Variants in PPA1 observed in about 807,000 individuals in gnomAD.
The protein encoded by PPA1 is inorganic pyrophosphatase 1.
PPA1 carries 23 observed loss-of-function variants against 41.8 expected under a neutral mutation model. That is an observed-to-expected ratio of 0.55 (90% confidence interval 0.40 to 0.78). The LOEUF (loss-of-function observed/expected upper bound fraction) is 0.78. Among genes scored for constraint, PPA1 ranks in the 30% least tolerant of loss-of-function variants. The pLI is 0.00. For missense variants in PPA1, 320 were observed against 361.6 expected (o/e 0.89, Z 0.93); for synonymous variants, 101 against 116.8 (o/e 0.86, Z 0.87).
At chr10:70,209,063 G>T in intron 8 of PPA1, 142 bp downstream of exon 8, 1 of 549,132 alleles carries the variant, frequency 1.8e-6, no homozygotes, top group Non-Finnish European at 3.1e-6. Context: ...CAAAGTGCTG[G>T]AATGACAGGT....
intron 2 of PPA1, among the ~76,000 whole-genome samples, chr10:70,220,716 T>A (rs1248120906): frequency 1.1e-3 from 11 of 9,690 alleles, no homozygotes; most frequent in Non-Finnish European, 1.0e-3. Flanking sequence ...ATATATATAA[T>A]TTATATATAT....
intron 8 of PPA1, 53 bp from the exon 9 acceptor site, chr10:70,206,386 T>C: frequency 7.3e-7 from 1 of 1,363,858 alleles, no homozygotes; most frequent in Middle Eastern, 2.1e-4. Context: ...AATTATCTCT[T>C]AAGAGTTAAA....
intron 6 of PPA1, among the ~76,000 whole-genome samples, chr10:70,210,778 T>TTC (rs1378478229): frequency 6.6e-6 from 1 of 151,822 alleles, no homozygotes; most frequent in Non-Finnish European, 1.5e-5. Flanking sequence ...TTTATTTTTT[T>TTC]TTTTTGAGAA....
rs540546471 is a variant in PPA1 at position 70,216,202 on chromosome 10, T to C, written c.297+1610A>G. Among the ~76,000 whole-genome samples, 235 of 152,196 alleles carry C rather than the reference T, an allele frequency of 1.5e-3. 1 individual carries two copies. Among genetic ancestry groups the C allele is most frequent in the Admixed American group, 2.9e-3 (45 of 15,274 alleles). The stretch of plus-strand genomic sequence containing the variant: ...AGGCTAAATACTATTAATAAATCAA[T>C]TGAGGCCGGGCGTGGTGGCTCATGC... On this transcript the variant is annotated intron_variant, in intron 4 of 10. Coordinates refer to ENST00000373232, the MANE Select transcript of PPA1 (RefSeq NM_021129.4).
chr10:70,219,796 C>A (rs1840116228), intron 2 of PPA1, among the ~76,000 whole-genome samples: 1 of 152,152 alleles, frequency 6.6e-6, no homozygotes, highest in African/African-American at 2.4e-5. Context: ...TTTGCCAACC[C>A]ATTTTGCACA....
At chr10:70,232,980 C>T (rs1840305183) in intron 1 of PPA1, among the ~76,000 whole-genome samples, 1 of 152,216 alleles carries the variant, frequency 6.6e-6, no homozygotes, top group African/African-American at 2.4e-5. Flanking sequence ...CTGTCAGAGC[C>T]AGACACCTGC....
Position 70,220,612 on chromosome 10 carries a change from T to TAATA in PPA1, c.124-1796_124-1795insTATT, listed in dbSNP as rs1175536180. On this transcript the variant is annotated intron_variant, in intron 2 of 10. Coordinates refer to ENST00000373232, the MANE Select transcript of PPA1 (RefSeq NM_021129.4). Reference sequence around the variant, plus strand: ...ATATTATATATAATTTATATATATATTATATATAATTTATATATATATAAT... The same window carrying TAATA: ...ATATTATATATAATTTATATATATATAATATATATATAATTTATATATATATAAT... Among the ~76,000 whole-genome samples, 5 of 2,470 alleles carry TAATA rather than the reference T, an allele frequency of 2.0e-3. 2 individuals carry two copies. The highest frequency in any genetic ancestry group is 2.6e-3 in the African/African-American group (2 of 760). 1.6% of individuals were successfully genotyped at this position (2,470 alleles called of 152,430 possible). A position where few individuals can be genotyped will look rare whatever the true frequency, so the allele number is the denominator to read the frequency against.
chr10:70,216,177 A>G (rs1008381006), intron 4 of PPA1, among the ~76,000 whole-genome samples: 5 of 152,198 alleles, frequency 3.3e-5, no homozygotes, highest in African/African-American at 1.2e-4. Flanking sequence ...TGATATATCA[A>G]GGCTAAATAC....
At chr10:70,222,974 T>C (rs897488830) in intron 2 of PPA1, among the ~76,000 whole-genome samples, 1 of 151,986 alleles carries the variant, frequency 6.6e-6, no homozygotes, top group African/African-American at 2.4e-5. Flanking sequence ...AGAATGATGG[T>C]TTCCAGCTTC....
At position 70,220,632 on chromosome 10, in the gene PPA1, T is replaced by TA. The variant is rs1564584054; in HGVS notation, c.124-1816dup. ...ATATATTATATATAATTTATATATA[T>TA]ATAATATATATAATTTATATATATA... On this transcript the variant is annotated intron_variant, in intron 2 of 10. Coordinates refer to ENST00000373232, the MANE Select transcript of PPA1 (RefSeq NM_021129.4). Among the ~76,000 whole-genome samples the TA allele has an allele frequency of 1.5e-3, 13 of 8,582 alleles. 3 individuals carry two copies. Among genetic ancestry groups the TA allele is most frequent in the Non-Finnish European group, 2.1e-3 (10 of 4,868 alleles). The allele number at this position is 8,582 out of a possible 152,430, so 5.6% of individuals were successfully genotyped here. A position where few individuals can be genotyped will look rare whatever the true frequency, so the allele number is the denominator to read the frequency against.
intron 9 of PPA1, 88 bp downstream of exon 9, chr10:70,206,176 T>C: frequency 9.7e-7 from 1 of 1,035,458 alleles, no homozygotes; most frequent in South Asian, 1.3e-5. Flanking sequence ...ACTCAAGTAT[T>C]TGTCGAAACA....
In PPA1 at chr10:70,220,654, TA is replaced by T. The variant is rs1840136690; in HGVS notation, c.124-1838del. Among the ~76,000 whole-genome samples, 4 of 4,552 alleles carry T rather than the reference TA, an allele frequency of 8.8e-4. 2 individuals carry two copies. Among genetic ancestry groups the T allele is most frequent in the Non-Finnish European group, 1.3e-3 (4 of 3,126 alleles). The allele number at this position is 4,552 out of a possible 152,430, so 3.0% of individuals were successfully genotyped here. ...ATATATAATATATATAATTTATATA[TA>T]TATTATATATAATTTATATATATAT... On this transcript the variant is annotated intron_variant, in intron 2 of 10. Transcript: ENST00000373232.
chr10:70,226,459 T>C (rs1401312590), intron 2 of PPA1, among the ~76,000 whole-genome samples: 1 of 151,734 alleles, frequency 6.6e-6, no homozygotes, highest in South Asian at 2.1e-4. Flanking sequence ...CTCAGGAGAC[T>C]GAGGTGGGAG....
At chr10:70,221,076 A>ATTTTTTTTTTTTTTT (rs11310336) in intron 2 of PPA1, among the ~76,000 whole-genome samples, 1 of 40,050 alleles carries the variant, frequency 2.5e-5, no homozygotes, top group African/African-American at 2.0e-4. Flanking sequence ...ATATATATAT[A>ATTTTTTTTTTTTTTT]TTTTTTTTTT....
At chr10:70,218,717 C>G in intron 3 of PPA1, 47 bp downstream of exon 3, 1 of 1,472,136 alleles carries the variant, frequency 6.8e-7, no homozygotes, top group Non-Finnish European at 9.5e-7. Context: ...GTGACTAGAT[C>G]AAAACCAATA....
chr10:70,203,679 A>G (rs934607828), intron 10 of PPA1: 1 of 153,146 alleles, frequency 6.5e-6, no homozygotes, highest in African/African-American at 2.4e-5. Flanking sequence ...AAGTGCTGGG[A>G]TGACAGGTGT....
intron 8 of PPA1, among the ~76,000 whole-genome samples, chr10:70,208,181 ACT>A (rs1589890579): frequency 6.6e-6 from 1 of 152,180 alleles, no homozygotes; most frequent in Admixed American, 6.5e-5. Flanking sequence ...CAAGAGCAAG[ACT>A]CTGTCTCAGA....
chr10:70,206,134 A>G (rs768885649), intron 9 of PPA1, 130 bp downstream of exon 9: 15 of 690,668 alleles, frequency 2.2e-5, no homozygotes, highest in African/African-American at 3.6e-5. Context: ...TCTAATTTCA[A>G]GACTCCACAC....
Position 70,230,486 on chromosome 10 carries a change from G to T in PPA1, c.65-87C>A, listed in dbSNP as rs1840278910. On this transcript the variant is annotated intron_variant, in intron 1 of 10. Transcript: ENST00000373232. ...ACACATTTTTTTTTTCTGAGATAAG[G>T]TCCCTTACTCTGTCACCCAGGATGG... is the stretch of plus-strand genomic sequence containing the variant. The T allele has an allele frequency of 9.1e-6, 12 of 1,314,878 alleles. 1 individual carries two copies. In the South Asian group the frequency reaches 1.3e-4, roughly 15 times the overall value. 81.5% of individuals were successfully genotyped at this position (1,314,878 alleles called of 1,614,324 possible).
Sources: allele counts gnomAD v4.1 joint callset (sites outside exome capture counted in the v4.1 genomes callset), GRCh38; gene constraint gnomAD v4.1.1; transcripts MANE v1.5; gene names NCBI Gene and HGNC (gene_info 2026-07-23, HGNC 2026-07-21).